Variants in DDX60L observed in about 807,000 individuals in gnomAD.
DDX60L encodes DExD/H-box 60 like, also known as probable ATP-dependent RNA helicase DDX60-like.
Under a neutral mutation model 211.6 loss-of-function variants are expected in DDX60L, and 191 were observed. The observed-to-expected ratio is 0.90, with a 90% CI of 0.80 to 1.02. The LOEUF is 1.02. DDX60L is among the 50% of genes least tolerant of loss of function. The probability of loss-of-function intolerance (pLI) is 0.00; values close to 1 mark genes in which losing one functional copy is unlikely to be tolerated. For missense variants in DDX60L, 2,007 were observed against 1,984.1 expected (o/e 1.01, Z -0.22); for synonymous variants, 706 against 694.1 (o/e 1.02, Z -0.27).
At position 168,406,007 on chromosome 4, in the gene DDX60L, A is replaced by T. The variant is rs754934655; in HGVS notation, c.3156T>A (p.Tyr1052Ter). 2 of 1,602,590 alleles carry T rather than the reference A, an allele frequency of 1.2e-6. No homozygotes were observed. Among genetic ancestry groups the T allele is most frequent in the African/African-American group, 2.7e-5 (2 of 74,586 alleles). The part of the protein sequence containing the change: ...IVIKKLDARK[Y>*]EENLKAELTN... Reference sequence around the variant, plus strand: ...TCAATTCTGCCTTTAAGTTTTCTTCATATTTTCTAGCATCCAACTTCTTAA... The same window carrying T: ...TCAATTCTGCCTTTAAGTTTTCTTCTTATTTTCTAGCATCCAACTTCTTAA... The change falls in exon 24 of 38, where the codon TAT becomes TAA. Residue 1052 changes from tyrosine to a stop codon, truncating the protein, a stop_gained. Coordinates refer to ENST00000682922, the MANE Select transcript of DDX60L (RefSeq NM_001012967.3). LOFTEE classifies it high-confidence loss of function.
chr4:168,374,760 T>TA (rs1013206340), intron 34 of DDX60L, among the ~76,000 whole-genome samples: 3 of 152,260 alleles, frequency 2.0e-5, no homozygotes, highest in African/African-American at 7.2e-5. Flanking sequence ...AGAATAGACT[T>TA]ACGCGATGTT....
rs745931988 is a variant in DDX60L at position 168,375,509 on chromosome 4, G to C, written c.4501C>G (p.Leu1501Val). 2.5e-6 allele frequency: 4 copies of C among 1,609,460 alleles called. No homozygotes were observed. The highest frequency in any genetic ancestry group is 2.2e-5 in the East Asian group (1 of 44,740). Reference sequence around the variant, plus strand: ...AAAGCAGCTTTAAAATCCTCCGGGAGTTCGGCAAGGATCACCTATGGGCGA... The same window carrying C: ...AAAGCAGCTTTAAAATCCTCCGGGACTTCGGCAAGGATCACCTATGGGCGA... ...FSQSKVILAE[L>V]PEDFKAALYE... Residue 1501 changes from leucine to valine, a missense_variant, in exon 34 of 38, where the codon CTC (leucine) becomes GTC (valine). Transcript: ENST00000682922.
At chr4:168,413,445 T>G (rs969716140) in intron 22 of DDX60L, among the ~76,000 whole-genome samples, 2 of 152,072 alleles carry the variant, frequency 1.3e-5, no homozygotes, top group South Asian at 4.1e-4. Context: ...CACATGGGAT[T>G]TATCACAGCA....
At position 168,453,274 on chromosome 4, in the gene DDX60L, A is replaced by G. The variant is rs573417742; in HGVS notation, c.846T>C (p.Ser282=). The change falls in exon 8 of 38, where the codon AGT becomes AGC. Residue 282 remains serine, a synonymous_variant. Coordinates refer to ENST00000682922, the MANE Select transcript of DDX60L (RefSeq NM_001012967.3). ...CCACCTCCTGCAGGGATAGGCAATT[A>G]CTGTGCACCTGCGTACAATAAAGAA... The part of the protein sequence containing the change: ...LRMYHRVLVH[S]NCLSLQEVED... 149 of 1,611,204 alleles carry G rather than the reference A, an allele frequency of 9.2e-5. 2 individuals carry two copies. The South Asian group carries it at 1.6e-3, about 17-fold the overall frequency.
chr4:168,368,619 A>C (rs1480858675), intron 36 of DDX60L, among the ~76,000 whole-genome samples: 1 of 152,200 alleles, frequency 6.6e-6, no homozygotes, highest in Non-Finnish European at 1.5e-5. Context: ...TGGTAGACCC[A>C]CTGAAAGCTT....
intron 26 of DDX60L, among the ~76,000 whole-genome samples, chr4:168,398,803 C>T (rs1396610513): frequency 6.6e-6 from 1 of 152,076 alleles, no homozygotes; most frequent in African/African-American, 2.4e-5. Context: ...GTCAGGATTA[C>T]CAGCTACGGA....
intron 9 of DDX60L, among the ~76,000 whole-genome samples, chr4:168,443,271 G>A (rs925016705): frequency 1.3e-5 from 2 of 152,230 alleles, no homozygotes; most frequent in South Asian, 4.1e-4. Context: ...GGAAGAAAGG[G>A]TATCAGCAAT....
rs1446441819 is a variant in DDX60L, at chr4:168,471,939, A to G, written c.75-3T>C. On this transcript the variant is annotated splice_region_variant and splice_polypyrimidine_tract_variant and intron_variant, in intron 3 of 37. Transcript: ENST00000682922. ...AATCATTTAATATGCTGGAATACCT[A>G]AAATAAAAATCAAAGAGAATAAAAA... 1 of 1,575,478 alleles carries G rather than the reference A, an allele frequency of 6.3e-7. No homozygotes were observed. The highest frequency in any genetic ancestry group is 8.6e-7 in the Non-Finnish European group (1 of 1,159,358).
chr4:168,384,530 C>T, intron 30 of DDX60L, 82 bp downstream of exon 30: 1 of 1,540,130 alleles, frequency 6.5e-7, no homozygotes, highest in Non-Finnish European at 8.9e-7. Context: ...TTTCTCAAGA[C>T]AGACTTCTAA....
At chr4:168,416,462 T>G (rs1243961172) in intron 20 of DDX60L, among the ~76,000 whole-genome samples, 1 of 152,090 alleles carries the variant, frequency 6.6e-6, no homozygotes, top group Non-Finnish European at 1.5e-5. Flanking sequence ...TGTACACCTG[T>G]GGTCCCAGCT....
chr4:168,357,921 A>T lies in DDX60L; in HGVS notation c.*226T>A, dbSNP rs1056105184. The T allele has an allele frequency of 4.8e-6, 2 of 417,356 alleles. No individual in the cohort carries two copies. The highest frequency in any genetic ancestry group is 4.3e-6 in the Non-Finnish European group (1 of 234,106). The allele number at this position is 417,356 out of a possible 1,614,324, so 25.9% of individuals were successfully genotyped here. The stretch of plus-strand genomic sequence containing the variant: ...ATCTCATTTAATCCTCAAAACAACT[A>T]GAGGTATTCATTTTTACTCCGGTTT... On this transcript the variant is annotated 3_prime_UTR_variant, in exon 38 of 38. Transcript: ENST00000682922.
At chr4:168,478,033 A>G (rs1363951834) in intron 1 of DDX60L, among the ~76,000 whole-genome samples, 1 of 151,638 alleles carries the variant, frequency 6.6e-6, no homozygotes, top group East Asian at 1.9e-4. Context: ...TTGGAGACCA[A>G]CCTGGGCAAC....
chr4:168,446,953 T>C (rs1441940725), intron 9 of DDX60L, among the ~76,000 whole-genome samples: 2 of 116,222 alleles, frequency 1.7e-5, no homozygotes, highest in Admixed American at 2.0e-4. Flanking sequence ...GGCATTACCA[T>C]TCAGGACATA....
chr4:168,362,463 C>A (rs1260380295), intron 36 of DDX60L, among the ~76,000 whole-genome samples: 1 of 152,186 alleles, frequency 6.6e-6, no homozygotes, highest in Non-Finnish European at 1.5e-5. Context: ...CCCACAGATA[C>A]CCAGCTCAAG....
At chr4:168,434,148 CGTGA>C (rs763512909) in intron 10 of DDX60L, among the ~76,000 whole-genome samples, 4 of 151,696 alleles carry the variant, frequency 2.6e-5, no homozygotes, top group African/African-American at 9.7e-5. Context: ...TGCATAGATG[CGTGA>C]GTGTGTACAT....
At chr4:168,438,371 C>T (rs1380503985) in intron 10 of DDX60L, among the ~76,000 whole-genome samples, 1 of 152,210 alleles carries the variant, frequency 6.6e-6, no homozygotes, top group African/African-American at 2.4e-5. Flanking sequence ...AACCCAACCA[C>T]CTCAGGGCCA....
rs1561022349 is a variant in DDX60L, at chr4:168,415,777, A to ACTGC, written c.2748_2749insGCAG (p.Tyr917AlafsTer17). The ACTGC allele has an allele frequency of 6.4e-7, 1 of 1,567,550 alleles. No homozygotes were observed. The highest frequency in any genetic ancestry group is 1.4e-5 in the African/African-American group (1 of 73,656). ...ATAATCTTGTCTGCCTGTTTCCAGT[A>ACTGC]CTGTTTTACTGATTGCAGCCACCTT... On this transcript the variant is annotated frameshift_variant, in exon 21 of 38. Coordinates refer to ENST00000682922, the MANE Select transcript of DDX60L (RefSeq NM_001012967.3). LOFTEE classifies it high-confidence loss of function.
chr4:168,420,490 A>T, intron 17 of DDX60L, 110 bp from the exon 18 acceptor site: 1 of 802,816 alleles, frequency 1.2e-6, no homozygotes. Flanking sequence ...ACACACACAC[A>T]CACACACACA....
intron 22 of DDX60L, among the ~76,000 whole-genome samples, chr4:168,409,242 T>C (rs1278124778): frequency 1.3e-5 from 2 of 152,150 alleles, no homozygotes; most frequent in African/African-American, 2.4e-5. Flanking sequence ...GCAGAAGTCA[T>C]ACAGGGTCAG....
Sources: gnomAD v4.1 joint callset for allele counts (sites outside exome capture counted in the v4.1 genomes callset) on GRCh38, gnomAD v4.1.1 for gene constraint, MANE v1.5 for transcripts, NCBI Gene and HGNC (gene_info 2026-07-23, HGNC 2026-07-21) for gene names.